The following DEPDC1B variants were observed in gnomAD, a reference collection of about 807,000 sequenced individuals.
DEPDC1B encodes DEP domain containing 1B, also known as DEP domain-containing protein 1B.
DEPDC1B carries 51 observed loss-of-function variants against 66.5 expected under a neutral mutation model. That is an observed-to-expected ratio of 0.77 (90% confidence interval 0.61 to 0.97). The LOEUF is 0.97. Among genes scored for constraint, DEPDC1B ranks in the 50% least tolerant of loss-of-function variants. The pLI, the probability that DEPDC1B is intolerant of heterozygous loss-of-function variation, is 0.00. For missense variants in DEPDC1B, 552 were observed against 637.1 expected (o/e 0.87, Z 1.44); for synonymous variants, 226 against 223.6 (o/e 1.01, Z -0.10).
chr5:60,624,920 G>A (rs192396267), intron 7 of DEPDC1B, among the ~76,000 whole-genome samples: 1,792 of 89,148 alleles, frequency 0.02, 14 homozygotes, highest in South Asian at 0.032. Context: ...CACAGGCCCC[G>A]GTGTGTGATG....
intron 7 of DEPDC1B, among the ~76,000 whole-genome samples, chr5:60,636,189 C>A (rs113739004): frequency 0.012 from 1,891 of 152,258 alleles, 15 homozygotes; most frequent in Non-Finnish European, 0.021. Flanking sequence ...AAATGAAGAT[C>A]AACTACAATG....
chr5:60,692,379 GATTT>G (rs1754566313), intron 1 of DEPDC1B, among the ~76,000 whole-genome samples: 1 of 152,126 alleles, frequency 6.6e-6, no homozygotes, highest in South Asian at 2.1e-4. Flanking sequence ...TAATTAGCTT[GATTT>G]AATTATTCCA....
chr5:60,619,317 G>C (rs1289834196), intron 7 of DEPDC1B, among the ~76,000 whole-genome samples: 1 of 152,146 alleles, frequency 6.6e-6, no homozygotes, highest in Non-Finnish European at 1.5e-5. Flanking sequence ...GGAAATAAAG[G>C]GTATTCGATT....
rs1753223772 is a variant in DEPDC1B at position 60,642,879 on chromosome 5, T to A, written c.710-20A>T. 1.9e-6 allele frequency: 3 copies of A among 1,601,062 alleles called. No individual in the cohort carries two copies. The highest frequency in any genetic ancestry group is 1.7e-6 in the Non-Finnish European group (2 of 1,171,760). ...GTTCTTCTGAAGGAAAAAGAAAATT[T>A]GTACTCAATTCCATATAACTCAAGA... On this transcript the variant is annotated intron_variant, in intron 5 of 10. Coordinates refer to ENST00000265036, the MANE Select transcript of DEPDC1B (RefSeq NM_018369.3).
chr5:60,606,457 T>TCAGGTA (rs1366606353), intron 7 of DEPDC1B, among the ~76,000 whole-genome samples: 2 of 151,886 alleles, frequency 1.3e-5, no homozygotes, highest in Admixed American at 1.3e-4. Flanking sequence ...CTTCCTCATC[T>TCAGGTA]CAGGTATGAT....
intron 7 of DEPDC1B, among the ~76,000 whole-genome samples, chr5:60,627,971 G>C (rs1345610780): frequency 6.6e-6 from 1 of 152,136 alleles, no homozygotes; most frequent in Non-Finnish European, 1.5e-5. Context: ...AAAGAACTTA[G>C]TGATATTTTC....
At chr5:60,617,602 T>C (rs890127374) in intron 7 of DEPDC1B, among the ~76,000 whole-genome samples, 6 of 152,304 alleles carry the variant, frequency 3.9e-5, no homozygotes, top group African/African-American at 1.2e-4. Flanking sequence ...CCTAAATATA[T>C]ATGCACCCAA....
chr5:60,662,970 G>A (rs542408865), intron 2 of DEPDC1B, among the ~76,000 whole-genome samples: 182 of 152,266 alleles, frequency 1.2e-3, no homozygotes, highest in African/African-American at 4.1e-3. Context: ...AGAACAGGCA[G>A]TCACTAAATA....
chr5:60,605,966 A>G (rs1217923533), intron 7 of DEPDC1B, 110 bp from the exon 8 acceptor site: 4 of 924,906 alleles, frequency 4.3e-6, no homozygotes, highest in Middle Eastern at 3.5e-4. Flanking sequence ...AAATATTTTC[A>G]CATATTCAAC....
At chr5:60,622,222 T>C (rs2111789666) in intron 7 of DEPDC1B, among the ~76,000 whole-genome samples, 1 of 152,248 alleles carries the variant, frequency 6.6e-6, no homozygotes, top group Non-Finnish European at 1.5e-5. Context: ...ACTGGTGCTG[T>C]TTGGCAGTAA....
At chr5:60,671,028 T>A (rs1023252330) in intron 2 of DEPDC1B, among the ~76,000 whole-genome samples, 21 of 152,196 alleles carry the variant, frequency 1.4e-4, no homozygotes, top group African/African-American at 4.8e-4. Flanking sequence ...TGTCCCACTG[T>A]AACTGTGAAT....
chr5:60,614,032 C>T (rs1752481166), intron 7 of DEPDC1B, among the ~76,000 whole-genome samples: 1 of 152,156 alleles, frequency 6.6e-6, no homozygotes, highest in African/African-American at 2.4e-5. Context: ...CTCTGCTACA[C>T]CTCTGTGGTC....
intron 8 of DEPDC1B, among the ~76,000 whole-genome samples, chr5:60,605,229 C>T (rs536923140): frequency 6.6e-6 from 1 of 152,230 alleles, no homozygotes; most frequent in African/African-American, 2.4e-5. Context: ...AGTCTTAATG[C>T]TCTAGTGCAC....
chr5:60,667,880 C>CATATATGTAAAAAATGGATATTTT (rs1561384286), intron 2 of DEPDC1B, among the ~76,000 whole-genome samples: 1 of 36,196 alleles, frequency 2.8e-5, no homozygotes, highest in Non-Finnish European at 6.4e-5. Context: ...GGATATTTTA[C>CATATATGTAAAAAATGGATATTTT]ATATATGTAA....
intron 7 of DEPDC1B, among the ~76,000 whole-genome samples, chr5:60,624,318 A>C (rs1752767152): frequency 6.6e-6 from 1 of 152,186 alleles, no homozygotes; most frequent in African/African-American, 2.4e-5. Context: ...ATGTTAAACC[A>C]GTCTTACCTT....
At chr5:60,604,185 G>A (rs1752262740) in intron 8 of DEPDC1B, among the ~76,000 whole-genome samples, 1 of 129,756 alleles carries the variant, frequency 7.7e-6, no homozygotes, top group Non-Finnish European at 1.6e-5. Context: ...TAGCATCAAT[G>A]TAATAATTTC....
chr5:60,675,971 G>A (rs549253154), intron 2 of DEPDC1B, among the ~76,000 whole-genome samples: 10 of 150,062 alleles, frequency 6.7e-5, no homozygotes, highest in African/African-American at 2.5e-4. Context: ...CTGTTGCCCA[G>A]GCCTGGAATG....
chr5:60,606,824 T>C (rs991754512), intron 7 of DEPDC1B, among the ~76,000 whole-genome samples: 1 of 152,036 alleles, frequency 6.6e-6, no homozygotes, highest in South Asian at 2.1e-4. Flanking sequence ...CTCTCTTTTT[T>C]ACTATATTTG....
chr5:60,662,657 G>A (rs1211205727), intron 2 of DEPDC1B, among the ~76,000 whole-genome samples: 2 of 152,132 alleles, frequency 1.3e-5, no homozygotes, highest in Middle Eastern at 3.2e-3. Flanking sequence ...AAGACTGTCC[G>A]AATAAAAATA....
Sources: allele counts gnomAD v4.1 joint callset (sites outside exome capture counted in the v4.1 genomes callset), GRCh38; gene constraint gnomAD v4.1.1; transcripts MANE v1.5; gene names NCBI Gene and HGNC (gene_info 2026-07-23, HGNC 2026-07-21).